Variants in SLC24A3 observed in about 807,000 individuals in gnomAD.
SLC24A3 encodes solute carrier family 24 member 3.
SLC24A3 carries 28 observed loss-of-function variants against 75.8 expected under a neutral mutation model. That is an observed-to-expected ratio of 0.37 (90% CI 0.27 to 0.51). The LOEUF (loss-of-function observed/expected upper bound fraction) is 0.51. Ranked by LOEUF, SLC24A3 falls within the 20% of genes least tolerant of loss-of-function variation. The pLI, the probability that SLC24A3 is intolerant of heterozygous loss-of-function variation, is 0.94. For missense variants in SLC24A3, 663 were observed against 847.8 expected, an observed-to-expected ratio of 0.78 and a Z score of 2.71; for synonymous variants, 372 against 334.1, an observed-to-expected ratio of 1.11 and a Z score of -1.24.
chr20:19,680,581 C>T (rs6112513), intron 9 of SLC24A3, among the ~76,000 whole-genome samples: 69,368 of 152,072 alleles, frequency 0.46, 17,123 homozygotes, highest in South Asian at 0.63. Context: ...TCTAATTCTA[C>T]GCTTCGTGTC....
intron 2 of SLC24A3, among the ~76,000 whole-genome samples, chr20:19,398,092 C>G (rs1440948928): frequency 6.6e-6 from 1 of 151,998 alleles, no homozygotes; most frequent in Admixed American, 6.6e-5. Flanking sequence ...GGAATTAAAG[C>G]CTTCTCTCTT....
chr20:19,718,270 T>C (rs909988198), intron 16 of SLC24A3, among the ~76,000 whole-genome samples: 7 of 152,152 alleles, frequency 4.6e-5, no homozygotes, highest in African/African-American at 1.7e-4. Flanking sequence ...GCAAAATAAG[T>C]AGTTTACAGG....
At chr20:19,295,162 C>T (rs1984030728) in intron 2 of SLC24A3, among the ~76,000 whole-genome samples, 1 of 151,928 alleles carries the variant, frequency 6.6e-6, no homozygotes. Flanking sequence ...GTTTGTTTTT[C>T]TTCTTGTAAA....
At chr20:19,262,591 C>G (rs1983028719) in intron 1 of SLC24A3, among the ~76,000 whole-genome samples, 1 of 152,006 alleles carries the variant, frequency 6.6e-6, no homozygotes, top group Non-Finnish European at 1.5e-5. Context: ...GCTGATTCCC[C>G]CAATTGTGCT....
chr20:19,387,385 CT>C (rs1430410174), intron 2 of SLC24A3, among the ~76,000 whole-genome samples: 1 of 151,758 alleles, frequency 6.6e-6, no homozygotes, highest in African/African-American at 2.4e-5. Context: ...GGGCTTCATT[CT>C]TTTTTTCTAA....
chr20:19,223,058 C>T (rs1375880441), intron 1 of SLC24A3, among the ~76,000 whole-genome samples: 4 of 151,914 alleles, frequency 2.6e-5, no homozygotes, highest in East Asian at 1.9e-4. Context: ...TTTGGGAGGC[C>T]GAGGTGGGCG....
intron 2 of SLC24A3, among the ~76,000 whole-genome samples, chr20:19,446,021 A>G (rs546917517): frequency 9.2e-5 from 14 of 152,090 alleles, no homozygotes; most frequent in Non-Finnish European, 1.9e-4. Context: ...CTTTATCTTC[A>G]TTGTCCAAAT....
chr20:19,232,094 G>T (rs542210530), intron 1 of SLC24A3, among the ~76,000 whole-genome samples: 1 of 152,110 alleles, frequency 6.6e-6, no homozygotes, highest in Admixed American at 6.5e-5. Flanking sequence ...TTATCTTGTG[G>T]TGGAATACTG....
chr20:19,571,516 G>T (rs1272675387), intron 3 of SLC24A3, among the ~76,000 whole-genome samples: 1 of 152,146 alleles, frequency 6.6e-6, no homozygotes, highest in Admixed American at 6.5e-5. Context: ...TTTTCCTGCT[G>T]AAAAATTTCT....
chr20:19,489,536 TA>T (rs1205294125), intron 2 of SLC24A3, among the ~76,000 whole-genome samples: 8 of 152,238 alleles, frequency 5.3e-5, no homozygotes, highest in Admixed American at 3.9e-4. Flanking sequence ...AGTACTATTC[TA>T]AACATTTTCA....
chr20:19,470,289 C>G (rs1987847912), intron 2 of SLC24A3, among the ~76,000 whole-genome samples: 1 of 152,060 alleles, frequency 6.6e-6, no homozygotes, highest in Non-Finnish European at 1.5e-5. Context: ...ATGACAATAC[C>G]CAAATTAGAG....
intron 16 of SLC24A3, among the ~76,000 whole-genome samples, chr20:19,719,615 G>A (rs565843992): frequency 6.6e-6 from 1 of 152,132 alleles, no homozygotes; most frequent in Non-Finnish European, 1.5e-5. Flanking sequence ...AGAGACAAGG[G>A]ACTAGGGAAG....
intron 2 of SLC24A3, among the ~76,000 whole-genome samples, chr20:19,514,038 C>A (rs539567472): frequency 6.6e-6 from 1 of 152,340 alleles, no homozygotes; most frequent in South Asian, 2.1e-4. Context: ...ACTAGACGTA[C>A]CCTTTGGCCC....
chr20:19,223,828 C>A (rs1298130517), intron 1 of SLC24A3, among the ~76,000 whole-genome samples: 1 of 152,128 alleles, frequency 6.6e-6, no homozygotes, highest in Non-Finnish European at 1.5e-5. Context: ...CCAGGCACTG[C>A]CACACCATGA....
chr20:19,488,063 C>G (rs1427929036), intron 2 of SLC24A3, among the ~76,000 whole-genome samples: 24 of 152,228 alleles, frequency 1.6e-4, no homozygotes, highest in Admixed American at 1.6e-3. Flanking sequence ...CCTCCTTCCC[C>G]AGAAGATTGA....
At chr20:19,339,833 G>A (rs1391008437) in intron 2 of SLC24A3, among the ~76,000 whole-genome samples, 1 of 152,234 alleles carries the variant, frequency 6.6e-6, no homozygotes, top group African/African-American at 2.4e-5. Context: ...AGCACATTGG[G>A]TAGAGAGAAG....
At chr20:19,520,692 C>T (rs1473817575) in intron 3 of SLC24A3, among the ~76,000 whole-genome samples, 1 of 151,830 alleles carries the variant, frequency 6.6e-6, no homozygotes, top group Non-Finnish European at 1.5e-5. Context: ...GTGAGGGTGC[C>T]CAGGGCATGA....
intron 2 of SLC24A3, among the ~76,000 whole-genome samples, chr20:19,453,837 A>G (rs1399464527): frequency 1.3e-5 from 2 of 152,196 alleles, no homozygotes; most frequent in Non-Finnish European, 2.9e-5. Context: ...GAGGACATCA[A>G]AACACACAGA....
intron 1 of SLC24A3, among the ~76,000 whole-genome samples, chr20:19,279,305 G>A (rs772490091): frequency 2.0e-5 from 3 of 152,178 alleles, no homozygotes; most frequent in Non-Finnish European, 4.4e-5. Flanking sequence ...TTTTCCGCCC[G>A]CGGCAACTTT....
Sources: gnomAD v4.1 joint callset for allele counts (sites outside exome capture counted in the v4.1 genomes callset) on GRCh38, gnomAD v4.1.1 for gene constraint, MANE v1.5 for transcripts, NCBI Gene and HGNC (gene_info 2026-07-23, HGNC 2026-07-21) for gene names.